Variants in NAA25 observed in about 807,000 individuals in gnomAD.
NAA25 encodes N-alpha-acetyltransferase 25, NatB auxiliary subunit, also known as N-terminal acetyltransferase B complex subunit NAA25.
Under a neutral mutation model 132.5 loss-of-function variants are expected in NAA25, and 30 were observed. The ratio of observed to expected loss-of-function variants is 0.23; its 90% confidence interval spans 0.17 to 0.31. NAA25 has a LOEUF of 0.31. Ranked by LOEUF, NAA25 falls within the 10% of genes least tolerant of loss-of-function variation. The pLI, the probability that NAA25 is intolerant of heterozygous loss-of-function variation, is 1.00. For synonymous variants in NAA25, 359 were observed against 401.9 expected (o/e 0.89, Z 1.28); for missense variants, 771 against 1,150.4 (o/e 0.67, Z 4.77).
chr12:112,047,525 C>A lies in NAA25; in HGVS notation c.2006+140G>T, dbSNP rs1176066807. On this transcript the variant is annotated intron_variant, in intron 17 of 23. Coordinates refer to ENST00000261745, the MANE Select transcript of NAA25 (RefSeq NM_024953.4). ...GCAATTACAGGCCTGAGCCACCGTG[C>A]CCAGCCCAACCTAATTCTTTAAAAA... 8 of 1,036,652 alleles carry A rather than the reference C, an allele frequency of 7.7e-6. No homozygotes were observed. In the Admixed American group the frequency reaches 2.1e-4, roughly 28 times the overall value. 64.2% of individuals were successfully genotyped at this position (1,036,652 alleles called of 1,614,324 possible). A position where few individuals can be genotyped will look rare whatever the true frequency, so the allele number is the denominator to read the frequency against.
intron 1 of NAA25, among the ~76,000 whole-genome samples, chr12:112,107,215 G>C (rs2079375262): frequency 6.6e-6 from 1 of 151,964 alleles, no homozygotes. Context: ...AACTGAGATT[G>C]TGCCACTGTA....
intron 15 of NAA25, among the ~76,000 whole-genome samples, chr12:112,051,426 G>T (rs1303939598): frequency 1.3e-5 from 2 of 152,088 alleles, no homozygotes; most frequent in African/African-American, 4.8e-5. Context: ...GGCCAGGCTG[G>T]TCTTGAACTC....
In NAA25 at chr12:112,027,873, C is replaced by T. The variant is rs142520691; in HGVS notation, c.*1658G>A. On this transcript the variant is annotated 3_prime_UTR_variant, in exon 24 of 24. Coordinates refer to ENST00000261745, the MANE Select transcript of NAA25 (RefSeq NM_024953.4). ...ACCACAATTTTCCATTCATCTTGTTCAAGACAGTTCTTCCTTTTGGGATAG... is the reference window on the plus strand; with the variant it reads ...ACCACAATTTTCCATTCATCTTGTTTAAGACAGTTCTTCCTTTTGGGATAG... 4 of 152,284 alleles carry T rather than the reference C, an allele frequency of 2.6e-5. No homozygotes were observed. Among genetic ancestry groups the T allele is most frequent in the African/African-American group, 9.6e-5 (4 of 41,564 alleles). 9.4% of individuals were successfully genotyped at this position (152,284 alleles called of 1,614,324 possible).
At chr12:112,097,311 A>T (rs2079226692) in intron 1 of NAA25, 1 of 152,196 alleles carries the variant, frequency 6.6e-6, no homozygotes, top group African/African-American at 2.4e-5. Flanking sequence ...TGCAGCAAAG[A>T]AAAAGAGTTG....
At chr12:112,071,109 C>T (rs1372040274) in intron 10 of NAA25, among the ~76,000 whole-genome samples, 2 of 152,042 alleles carry the variant, frequency 1.3e-5, no homozygotes, top group African/African-American at 2.4e-5. Flanking sequence ...GTCTTGAACA[C>T]CTGACCTCAG....
chr12:112,078,583 G>A (rs758798231), intron 6 of NAA25, 51 bp downstream of exon 6: 6 of 1,421,160 alleles, frequency 4.2e-6, no homozygotes, highest in Non-Finnish European at 5.0e-6. Context: ...ACATAATATT[G>A]TAGCACTAGC....
At chr12:112,100,672 T>G (rs1057003787) in intron 1 of NAA25, among the ~76,000 whole-genome samples, 14 of 141,792 alleles carry the variant, frequency 9.9e-5, no homozygotes, top group Non-Finnish European at 1.5e-5. Flanking sequence ...CAGGCTGGAG[T>G]GCAGTGGCTC....
intron 22 of NAA25, chr12:112,037,567 A>G (rs1051464589): frequency 1.4e-5 from 2 of 145,530 alleles, no homozygotes; most frequent in African/African-American, 5.1e-5. Flanking sequence ...TTACAGAGGG[A>G]AAAAGGCACC....
chr12:112,099,941 G>A (rs1449030739), intron 1 of NAA25, among the ~76,000 whole-genome samples: 1 of 152,116 alleles, frequency 6.6e-6, no homozygotes, highest in Non-Finnish European at 1.5e-5. Flanking sequence ...TTATAAAAAC[G>A]CTAAATAGAA....
chr12:112,042,069 T>C lies in NAA25; in HGVS notation c.2410A>G (p.Ser804Gly). 1 of 1,484,556 alleles carries C rather than the reference T, an allele frequency of 6.7e-7. No homozygotes were observed. The highest frequency in any genetic ancestry group is 8.9e-7 in the Non-Finnish European group (1 of 1,119,766). The allele number at this position is 1,484,556 out of a possible 1,614,324, so 92.0% of individuals were successfully genotyped here. Residue 804 changes from serine (S) to glycine (G), a missense_variant, in exon 20 of 24, where the codon AGT becomes GGT. Ser to Gly is a moderately conservative substitution (Grantham distance 56). Around this residue, in one of 3 missense-constraint regions of NAA25, gnomAD observed 324 missense variants for 400.0 expected, o/e 0.81. Transcript: ENST00000261745. ...AACTGGTCTAGTAAAGACTTAAAAC[T>C]ATTTTCTATTCGTTCCTGAATCTCC... ...TMEIQERIEN[S>G]FKSLLDQLKD...
intron 13 of NAA25, among the ~76,000 whole-genome samples, chr12:112,059,604 T>C (rs1359878483): frequency 6.6e-6 from 1 of 152,196 alleles, no homozygotes; most frequent in Non-Finnish European, 1.5e-5. Context: ...TTTCTGTATA[T>C]AAAATTTTTT....
chr12:112,048,912 C>T (rs1312880826), intron 15 of NAA25, among the ~76,000 whole-genome samples: 1 of 145,924 alleles, frequency 6.9e-6, no homozygotes, highest in East Asian at 2.0e-4. Context: ...CAGAAAAAGA[C>T]AGGCTGCTCC....
chr12:112,107,239 G>A (rs983464079), intron 1 of NAA25, among the ~76,000 whole-genome samples: 4 of 152,046 alleles, frequency 2.6e-5, no homozygotes, highest in Non-Finnish European at 4.4e-5. Context: ...CAACCTGGAC[G>A]ACAGAGTGAG....
At chr12:112,083,857 A>C (rs1421235596) in intron 4 of NAA25, among the ~76,000 whole-genome samples, 1 of 152,256 alleles carries the variant, frequency 6.6e-6, no homozygotes, top group African/African-American at 2.4e-5. Flanking sequence ...AAACATAGCG[A>C]AATCCCAACT....
intron 1 of NAA25, among the ~76,000 whole-genome samples, chr12:112,098,685 G>A (rs531443753): frequency 5.9e-5 from 9 of 152,274 alleles, no homozygotes; most frequent in East Asian, 1.9e-4. Context: ...TCCAAAGCAC[G>A]GGTGAGTGCC....
Position 112,069,003 on chromosome 12 carries a change from G to C in NAA25, c.1037-11C>G, listed in dbSNP as rs1293653504. ...ATTCTTCTGGATCACCTGGGGGACG[G>C]GGAACAAAATCACTTTATTACTCAT... On this transcript the variant is annotated splice_polypyrimidine_tract_variant and intron_variant, in intron 10 of 23. Coordinates refer to ENST00000261745, the MANE Select transcript of NAA25 (RefSeq NM_024953.4). 1 of 1,477,660 alleles carries C rather than the reference G, an allele frequency of 6.8e-7. No homozygotes were observed. The highest frequency in any genetic ancestry group is 1.8e-5 in the Admixed American group (1 of 56,768). The allele number at this position is 1,477,660 out of a possible 1,614,324, so 91.5% of individuals were successfully genotyped here. A position where few individuals can be genotyped will look rare whatever the true frequency, so the allele number is the denominator to read the frequency against.
chr12:112,060,403 T>A, intron 12 of NAA25, 44 bp from the exon 13 acceptor site: 1 of 1,344,014 alleles, frequency 7.4e-7, no homozygotes, highest in Non-Finnish European at 1.1e-6. Flanking sequence ...TTTGTTCAAC[T>A]ATTACTGACC....
intron 13 of NAA25, among the ~76,000 whole-genome samples, chr12:112,055,994 CT>C (rs1247940602): frequency 6.6e-6 from 1 of 151,722 alleles, no homozygotes; most frequent in Non-Finnish European, 1.5e-5. Context: ...GAGCCCAGGA[CT>C]TTGAGACCAG....
intron 22 of NAA25, 27 bp downstream of exon 22, chr12:112,039,202 G>C: frequency 7.3e-7 from 1 of 1,368,076 alleles, no homozygotes; most frequent in Non-Finnish European, 1.0e-6. Context: ...ATTGTTCCTT[G>C]TATATCACTT....
Sources: allele counts gnomAD v4.1 joint callset (sites outside exome capture counted in the v4.1 genomes callset), GRCh38; gene constraint gnomAD v4.1.1; regional missense constraint gnomAD v4.1.1; transcripts MANE v1.5; gene names NCBI Gene and HGNC (gene_info 2026-07-23, HGNC 2026-07-21).